BBOF1: variants seen among roughly 807,000 people sequenced by gnomAD.
The protein encoded by BBOF1 is basal body orientation factor 1, also known as basal body-orientation factor 1.
In BBOF1, 62 loss-of-function variants were observed where a neutral mutation model predicts 68.0. The ratio of observed to expected loss-of-function variants is 0.91; its 90% confidence interval spans 0.74 to 1.13. The LOEUF (loss-of-function observed/expected upper bound fraction) is 1.13. Among genes scored for constraint, BBOF1 ranks in the 50% most tolerant of loss-of-function variants. BBOF1 has a pLI of 0.00. For missense variants in BBOF1, 534 were observed against 600.1 expected (o/e 0.89, Z 1.15); for synonymous variants, 208 against 198.8 (o/e 1.05, Z -0.39).
chr14:74,074,948 A>C, intron 9 of BBOF1: 1 of 1,613,884 alleles, frequency 6.2e-7, no homozygotes, highest in Non-Finnish European at 8.5e-7. Context: ...ATGCCAAATA[A>C]ACTCACCACT....
In BBOF1 at chr14:74,066,088, G is replaced by A. The variant is rs2060459418; in HGVS notation, c.*1389G>A. 1.9e-5 allele frequency: 3 copies of A among 154,336 alleles called. No homozygotes were observed. The highest frequency in any genetic ancestry group is 1.3e-4 in the Admixed American group (2 of 15,670). 9.6% of individuals were successfully genotyped at this position (154,336 alleles called of 1,614,324 possible). A position where few individuals can be genotyped will look rare whatever the true frequency, so the allele number is the denominator to read the frequency against. On this transcript the variant is annotated 3_prime_UTR_variant, in exon 12 of 12. Coordinates refer to ENST00000394009, the MANE Select transcript of BBOF1 (RefSeq NM_025057.3). ...AGTTTTGATAAATAAAAATTGACAA[G>A]TCAATTATTTTTGTCACTTTCAATA... is the stretch of plus-strand genomic sequence containing the variant.
Position 74,061,307 on chromosome 14 carries a change from A to G in BBOF1, c.1579-3381A>G, listed in dbSNP as rs1435050618. 2.1e-5 allele frequency among the ~76,000 whole-genome samples: 3 copies of G among 141,268 alleles called. No individual in the cohort carries two copies. In the Admixed American group the frequency reaches 2.2e-4, roughly 10 times the overall value. 92.7% of individuals were successfully genotyped at this position (141,268 alleles called of 152,430 possible). On this transcript the variant is annotated intron_variant, in intron 11 of 11. Coordinates refer to ENST00000394009, the MANE Select transcript of BBOF1 (RefSeq NM_025057.3). Reference sequence around the variant, plus strand: ...TATATAGTAGGCCATTTATTTATTTATTTATTTATTTTGAGACAGAGTCTT... The same window carrying G: ...TATATAGTAGGCCATTTATTTATTTGTTTATTTATTTTGAGACAGAGTCTT...
chr14:74,022,208 A>AT (rs1455254441), intron 1 of BBOF1, among the ~76,000 whole-genome samples: 2 of 152,024 alleles, frequency 1.3e-5, no homozygotes, highest in Admixed American at 1.3e-4. Flanking sequence ...CCCCATCTCT[A>AT]TTAAAAAAAA....
intron 11 of BBOF1, among the ~76,000 whole-genome samples, chr14:74,061,311 A>ATTTG: frequency 7.2e-6 from 1 of 139,804 alleles, no homozygotes; most frequent in Non-Finnish European, 1.6e-5. Context: ...TTATTTATTT[A>ATTTG]TTTATTTTGA....
At chr14:74,022,259 A>G (rs2059319295) in intron 1 of BBOF1, among the ~76,000 whole-genome samples, 1 of 152,146 alleles carries the variant, frequency 6.6e-6, no homozygotes, top group African/African-American at 2.4e-5. Context: ...GAAAAGGTAT[A>G]AAAACTGCCC....
Position 74,072,280 on chromosome 14 carries a change from G to T in BBOF1, n.1380-5916G>T, listed in dbSNP as rs779088875. 1.2e-5 allele frequency: 19 copies of T among 1,614,258 alleles called. No individual in the cohort carries two copies. The South Asian group carries it at 2.0e-4, about 17-fold the overall frequency. On this transcript the variant is annotated intron_variant and non_coding_transcript_variant, in intron 9 of 12. Coordinates refer to the BBOF1 transcript ENST00000492026. ...AATACTGAAGTGTCTGCCCATGCAG[G>T]AAAAGCACGTTTGCAGGAAGCAATG...
At position 74,022,969 on chromosome 14, in the gene BBOF1, C is replaced by T. The variant is rs1308447148; in HGVS notation, c.110C>T (p.Ser37Phe). The change falls in exon 2 of 12, where the codon TCC (serine) becomes TTC (phenylalanine). Residue 37 changes from serine (S) to phenylalanine (F), a missense_variant. Physicochemically the swap from Ser to Phe is radical, Grantham distance 155 (BLOSUM62 -2). Transcript: ENST00000394009. ...GTGGACAGAGCCAAGGCCAATGCCT[C>T]CCTTTGGGAGGCCAGGTTGGAAGTC... is the stretch of plus-strand genomic sequence containing the variant. The part of the protein sequence containing the change: ...SVVDRAKANA[S>F]LWEARLEVTE... The T allele has an allele frequency of 1.2e-6, 2 of 1,613,348 alleles. No homozygotes were observed. The highest frequency in any genetic ancestry group is 8.5e-7 in the Non-Finnish European group (1 of 1,179,690).
chr14:74,036,973 C>CTTTTTTTTTTTTTTTTTTTTT (rs548819182), intron 4 of BBOF1, among the ~76,000 whole-genome samples: 8 of 104,398 alleles, frequency 7.7e-5, no homozygotes, highest in Non-Finnish European at 1.4e-4. Context: ...TTTCTTTTTT[C>CTTTTTTTTTTTTTTTTTTTTT]TTTTTTTTTT....
At chr14:74,036,919 T>C (rs1595043499) in intron 4 of BBOF1, among the ~76,000 whole-genome samples, 1 of 151,956 alleles carries the variant, frequency 6.6e-6, no homozygotes, top group African/African-American at 2.4e-5. Context: ...ATCTAAAATA[T>C]ATTCCTGGTA....
At chr14:74,033,926 C>A in intron 3 of BBOF1, 102 bp from the exon 4 acceptor site, 1 of 694,986 alleles carries the variant, frequency 1.4e-6, no homozygotes, top group South Asian at 3.7e-5. Flanking sequence ...GGGGATATTT[C>A]TTCAAAGAAG....
At chr14:74,049,411 C>T (rs943008764) in intron 7 of BBOF1, among the ~76,000 whole-genome samples, 7 of 151,922 alleles carry the variant, frequency 4.6e-5, no homozygotes, top group African/African-American at 7.3e-5. Flanking sequence ...CAGTGGCTCA[C>T]GCCTGTTATG....
At chr14:74,033,285 G>A (rs1446524291) in intron 3 of BBOF1, among the ~76,000 whole-genome samples, 4 of 152,128 alleles carry the variant, frequency 2.6e-5, no homozygotes, top group Non-Finnish European at 5.9e-5. Context: ...AATAAAAGGG[G>A]GACCGGGCGC....
In BBOF1 at chr14:74,064,944, A is replaced by G; in HGVS notation, c.*245A>G. Reference sequence around the variant, plus strand: ...ACCTAAAACAGAACAAATCCGTGTCATATCCTAAGGACAAAGGAACTCTCC... The same window carrying G: ...ACCTAAAACAGAACAAATCCGTGTCGTATCCTAAGGACAAAGGAACTCTCC... On this transcript the variant is annotated 3_prime_UTR_variant, in exon 12 of 12. Coordinates refer to ENST00000394009, the MANE Select transcript of BBOF1 (RefSeq NM_025057.3). 1 of 1,600,154 alleles carries G rather than the reference A, an allele frequency of 6.2e-7. No individual in the cohort carries two copies. Among genetic ancestry groups the G allele is most frequent in the Non-Finnish European group, 8.6e-7 (1 of 1,168,294 alleles).
chr14:74,025,785 G>C (rs2059409697), intron 2 of BBOF1, among the ~76,000 whole-genome samples: 1 of 152,110 alleles, frequency 6.6e-6, no homozygotes, highest in Non-Finnish European at 1.5e-5. Context: ...AAACAAACCA[G>C]CATTCCTTGG....
At chr14:74,067,358 G>A (rs1428791861), downstream of BBOF1, 2 of 1,611,982 alleles carry the variant, frequency 1.2e-6, no homozygotes, top group Admixed American at 3.3e-5. Flanking sequence ...AATCTAAGGG[G>A]GCAAGTCAGG....
At chr14:74,028,027 A>G (rs1035339636) in intron 2 of BBOF1, among the ~76,000 whole-genome samples, 1 of 152,192 alleles carries the variant, frequency 6.6e-6, no homozygotes, top group Non-Finnish European at 1.5e-5. Context: ...CCTGATCTTT[A>G]TAATTTTATA....
chr14:74,081,275 G>C (rs1486690434), intron 12 of BBOF1: 1 of 152,218 alleles, frequency 6.6e-6, no homozygotes, highest in Non-Finnish European at 1.5e-5. Flanking sequence ...CTGGAAGAGA[G>C]TAAGTACTTA....
chr14:74,069,326 A>C, downstream of BBOF1: 1 of 319,792 alleles, frequency 3.1e-6, no homozygotes, highest in Non-Finnish European at 6.0e-6. Flanking sequence ...CTGGTCTTGA[A>C]CTCCTGACCT....
Position 74,065,353 on chromosome 14 carries a change from A to G in BBOF1, c.*654A>G. 1 of 1,614,040 alleles carries G rather than the reference A, an allele frequency of 6.2e-7. No individual in the cohort carries two copies. The highest frequency in any genetic ancestry group is 1.3e-5 in the African/African-American group (1 of 75,064). On this transcript the variant is annotated 3_prime_UTR_variant, in exon 12 of 12. Transcript: ENST00000394009. Reference sequence around the variant, plus strand: ...AAAAATCTCCTCTTTGTAACAGGTCATATTTGGCTGCCAGGAGTGATGCAT... The same window carrying G: ...AAAAATCTCCTCTTTGTAACAGGTCGTATTTGGCTGCCAGGAGTGATGCAT...
Sources: gnomAD v4.1 joint callset for allele counts (sites outside exome capture counted in the v4.1 genomes callset) on GRCh38, gnomAD v4.1.1 for gene constraint, MANE v1.5 for transcripts, NCBI Gene and HGNC (gene_info 2026-07-23, HGNC 2026-07-21) for gene names.